NECAP1: variants seen among roughly 807,000 people sequenced by gnomAD.
NECAP1 encodes adaptin ear-binding coat-associated protein 1.
Under a neutral mutation model 33.4 loss-of-function variants are expected in NECAP1, and 13 were observed. The observed-to-expected ratio is 0.39, with a 90% CI of 0.25 to 0.62. The LOEUF is 0.62. Ranked by LOEUF, NECAP1 falls within the 20% of genes least tolerant of loss-of-function variation. The pLI is 0.52. For missense variants in NECAP1, 272 were observed against 347.4 expected (o/e 0.78, Z 1.73); for synonymous variants, 109 against 125.2 (o/e 0.87, Z 0.86).
At position 8,097,192 on chromosome 12, in the gene NECAP1, C is replaced by G. The variant is rs1947602363; in HGVS notation, c.*1102C>G. The G allele has an allele frequency of 6.6e-6, 1 of 152,600 alleles. No homozygotes were observed. The highest frequency in any genetic ancestry group is 6.5e-5 in the Admixed American group (1 of 15,276). 9.5% of individuals were successfully genotyped at this position (152,600 alleles called of 1,614,324 possible). A position where few individuals can be genotyped will look rare whatever the true frequency, so the allele number is the denominator to read the frequency against. ...CAGGTTTTGCCCAAGGCTTTGATAC[C>G]TGTCACCCAGGGTATCTTAAAAGCA... On this transcript the variant is annotated 3_prime_UTR_variant, in exon 8 of 8. Coordinates refer to ENST00000339754, the MANE Select transcript of NECAP1 (RefSeq NM_015509.4).
At chr12:8,093,677 T>C (rs1422944108) in intron 6 of NECAP1, 1 of 152,280 alleles carries the variant, frequency 6.6e-6, no homozygotes, top group Non-Finnish European at 1.5e-5. Context: ...GAACCATGAT[T>C]GTGCCACTGT....
rs1477942819 is a variant in NECAP1 at position 8,092,779 on chromosome 12, A to G, written c.487A>G (p.Ile163Val). ...GGAAGGACAAACCATCAAGTTGTGT[A>G]TCGGGGTGAGTATGGTTTTTAAAAA... The part of the protein sequence containing the change: ...FKEGQTIKLC[I>V]GNITNKKGGA... Residue 163 changes from isoleucine (I) to valine (V), a missense_variant, in exon 5 of 8, where the codon ATC (isoleucine) becomes GTC (valine). By Grantham distance (29) the Ile-to-Val change is conservative. Transcript: ENST00000339754. 1.9e-6 allele frequency: 3 copies of G among 1,612,206 alleles called. No homozygotes were observed. The Admixed American group carries it at 5.0e-5, about 27-fold the overall frequency.
In NECAP1 at chr12:8,095,681, G is replaced by A; in HGVS notation, c.757G>A (p.Gly253Arg). The change falls in exon 7 of 8, where the codon GGA becomes AGA. Residue 253 changes from glycine (G) to arginine (R), a missense_variant. Physicochemically the swap from Gly to Arg is moderately radical, Grantham distance 125. Coordinates refer to ENST00000339754, the MANE Select transcript of NECAP1 (RefSeq NM_015509.4). ...TPVSVSNDLW[G>R]DFSTASSSVP... ...AGTTTCTGTAAGCAATGACTTGTGG[G>A]GAGACTTCAGCACTGCCTCCAGGTA... is the stretch of plus-strand genomic sequence containing the variant. 6.2e-7 allele frequency: 1 copy of A among 1,613,592 alleles called. No individual in the cohort carries two copies. The highest frequency in any genetic ancestry group is 2.2e-5 in the East Asian group (1 of 44,874).
chr12:8,092,962 G>A lies in NECAP1; in HGVS notation c.583G>A (p.Val195Ile), dbSNP rs1386804794. 1 of 1,609,884 alleles carries A rather than the reference G, an allele frequency of 6.2e-7. No individual in the cohort carries two copies. The highest frequency in any genetic ancestry group is 8.5e-7 in the Non-Finnish European group (1 of 1,178,146). ...SLLPPPPGGK[V>I]TIPPPSSSVA... ...ACTCCCACCCCCGCCAGGAGGCAAAGTCACTATTCCCCCACCATCCTCCTC... is the reference window on the plus strand; with the variant it reads ...ACTCCCACCCCCGCCAGGAGGCAAAATCACTATTCCCCCACCATCCTCCTC... Residue 195 changes from valine (V) to isoleucine (I), a missense_variant, in exon 6 of 8, where the codon GTC becomes ATC. Transcript: ENST00000339754.
At chr12:8,084,198 C>T (rs966209105) in intron 1 of NECAP1, among the ~76,000 whole-genome samples, 1 of 152,132 alleles carries the variant, frequency 6.6e-6, no homozygotes, top group Non-Finnish European at 1.5e-5. Flanking sequence ...TATTTTTATG[C>T]TTGCTGACCT....
At chr12:8,087,239 G>A (rs1947499827) in intron 1 of NECAP1, among the ~76,000 whole-genome samples, 1 of 149,644 alleles carries the variant, frequency 6.7e-6, no homozygotes, top group Non-Finnish European at 1.5e-5. Context: ...GAATCTTACT[G>A]TGAATCATCA....
intron 4 of NECAP1, chr12:8,092,093 C>T (rs1177799500): frequency 1.9e-5 from 9 of 479,500 alleles, no homozygotes; most frequent in East Asian, 1.2e-4. Context: ...GATGCTCTGT[C>T]GAATTTGCCC....
chr12:8,092,114 G>A (rs771930744), intron 4 of NECAP1: 5 of 450,610 alleles, frequency 1.1e-5, no homozygotes, highest in Middle Eastern at 1.3e-3. Context: ...CGTCTTTTAG[G>A]TGGTAGAGGG....
chr12:8,091,838 A>G lies in NECAP1; in HGVS notation c.371A>G (p.Gln124Arg). ...GDAFDFNVSL[Q>R]DHFKWVKQES... ...GCCTTCGACTTTAATGTCTCCTTGC[A>G]GGATCACTTCAAGTGAGTGAAGCTT... The change falls in exon 4 of 8, where the codon CAG (glutamine) becomes CGG (arginine). Residue 124 changes from glutamine (Q) to arginine (R), a missense_variant. Physicochemically the swap from Gln to Arg is conservative, Grantham distance 43 (BLOSUM62 1). Coordinates refer to ENST00000339754, the MANE Select transcript of NECAP1 (RefSeq NM_015509.4). 3.7e-6 allele frequency: 6 copies of G among 1,613,348 alleles called. No homozygotes were observed. Among genetic ancestry groups the G allele is most frequent in the Non-Finnish European group, 4.2e-6 (5 of 1,179,734 alleles).
chr12:8,095,061 T>C (rs1041346782), intron 6 of NECAP1, among the ~76,000 whole-genome samples: 3 of 152,206 alleles, frequency 2.0e-5, no homozygotes, highest in African/African-American at 7.2e-5. Flanking sequence ...TGTGTGTCAA[T>C]AGTCTGTTTC....
chr12:8,091,522 A>G (rs1436888303), intron 3 of NECAP1: 2 of 507,416 alleles, frequency 3.9e-6, no homozygotes, highest in African/African-American at 3.9e-5. Context: ...TCACATGTGC[A>G]GTTCACAGTA....
At chr12:8,092,536 C>A in intron 4 of NECAP1, 140 bp from the exon 5 acceptor site, 3 of 582,144 alleles carry the variant, frequency 5.2e-6, no homozygotes, top group Non-Finnish European at 2.9e-6. Context: ...TGGCTTTTTT[C>A]CCTTCTGTTT....
Position 8,082,349 on chromosome 12 carries a change from C to A in NECAP1, c.61C>A (p.Arg21=), listed in dbSNP as rs200750097. 1 of 1,613,632 alleles carries A rather than the reference C, an allele frequency of 6.2e-7. No homozygotes were observed. Among genetic ancestry groups the A allele is most frequent in the Non-Finnish European group, 8.5e-7 (1 of 1,179,658 alleles). Residue 21 remains arginine (R), a synonymous_variant, in exon 1 of 8, where the codon CGG becomes AGG. Coordinates refer to ENST00000339754, the MANE Select transcript of NECAP1 (RefSeq NM_015509.4). ...TGTGAAGCCAGACGTCAGCGTCTAC[C>A]GGATTCCGCCCCGGGCCTCCAACCG... The part of the protein sequence containing the change: ...LCVKPDVSVY[R]IPPRASNRGY...
At chr12:8,085,686 C>CTTTTTTTT (rs554942626) in intron 1 of NECAP1, among the ~76,000 whole-genome samples, 14 of 104,810 alleles carry the variant, frequency 1.3e-4, no homozygotes, top group African/African-American at 5.0e-4. Context: ...ACTTAATCTT[C>CTTTTTTTT]TTTTTTTTTT....
At position 8,096,601 on chromosome 12, in the gene NECAP1, A is replaced by G. The variant is rs1232291022; in HGVS notation, c.*511A>G. The G allele has an allele frequency of 6.5e-6, 1 of 153,856 alleles. No individual in the cohort carries two copies. Among genetic ancestry groups the G allele is most frequent in the African/African-American group, 2.4e-5 (1 of 41,464 alleles). The allele number at this position is 153,856 out of a possible 1,614,324, so 9.5% of individuals were successfully genotyped here. On this transcript the variant is annotated 3_prime_UTR_variant, in exon 8 of 8. Transcript: ENST00000339754. Reference sequence around the variant, plus strand: ...ACAAATTCAGAATTTTGATAGGGGTAGATATGGAGAAAGACCTATTTCCTG... The same window carrying G: ...ACAAATTCAGAATTTTGATAGGGGTGGATATGGAGAAAGACCTATTTCCTG...
intron 7 of NECAP1, 126 bp from the exon 8 acceptor site, chr12:8,095,916 G>C: frequency 7.8e-7 from 1 of 1,281,132 alleles, no homozygotes; most frequent in East Asian, 2.5e-5. Flanking sequence ...GCCTTTGTAA[G>C]TAGAATTGCC....
At chr12:8,085,024 G>GTT (rs540358292) in intron 1 of NECAP1, among the ~76,000 whole-genome samples, 19 of 146,942 alleles carry the variant, frequency 1.3e-4, no homozygotes, top group African/African-American at 1.0e-4. Flanking sequence ...TTTTCTTGAA[G>GTT]TTTTTTTTTT....
At chr12:8,088,180 T>A (rs1365693095) in intron 1 of NECAP1, among the ~76,000 whole-genome samples, 1 of 152,244 alleles carries the variant, frequency 6.6e-6, no homozygotes, top group Non-Finnish European at 1.5e-5. Context: ...CATGGCCGTT[T>A]GTATCTCCAG....
chr12:8,082,507 A>G lies in NECAP1; in HGVS notation c.95+124A>G, dbSNP rs1198870732. 3.4e-5 allele frequency: 28 copies of G among 830,292 alleles called. 1 individual carries two copies. In the South Asian group the frequency reaches 4.3e-4, roughly 13 times the overall value. 51.4% of individuals were successfully genotyped at this position (830,292 alleles called of 1,614,324 possible). On this transcript the variant is annotated intron_variant, in intron 1 of 7. Transcript: ENST00000339754. Reference sequence around the variant, plus strand: ...GTATTGTCACCTTGCTAGCCTCCCTACCTGGGTTGTCATCTCCCTGACCAC... The same window carrying G: ...GTATTGTCACCTTGCTAGCCTCCCTGCCTGGGTTGTCATCTCCCTGACCAC...
Sources: allele counts gnomAD v4.1 joint callset (sites outside exome capture counted in the v4.1 genomes callset), GRCh38; gene constraint gnomAD v4.1.1; transcripts MANE v1.5; gene names NCBI Gene and HGNC (gene_info 2026-07-23, HGNC 2026-07-21).